Variants in TRPC6 observed in about 807,000 individuals in gnomAD.
TRPC6 encodes transient receptor potential cation channel subfamily C member 6.
A neutral mutation model predicts 90.7 loss-of-function variants in TRPC6; 55 were observed. The observed-to-expected ratio is 0.61, with a 90% CI of 0.49 to 0.76. The LOEUF (loss-of-function observed/expected upper bound fraction) is 0.76, where lower values mean the gene tolerates loss of function less well. Among genes scored for constraint, TRPC6 ranks in the 30% least tolerant of loss-of-function variants. TRPC6 has a pLI of 0.00. For synonymous variants in TRPC6, 393 were observed against 393.0 expected (o/e 1.00, Z 0.00); for missense variants, 989 against 1,122.7 (o/e 0.88, Z 1.70).
chr11:101,548,542 T>C (rs1181037378), intron 1 of TRPC6, among the ~76,000 whole-genome samples: 1 of 148,510 alleles, frequency 6.7e-6, no homozygotes, highest in Non-Finnish European at 1.5e-5. Flanking sequence ...AAGTAGCTTA[T>C]CCAAAGAGGT....
chr11:101,516,166 G>A (rs1860517339), intron 1 of TRPC6, among the ~76,000 whole-genome samples: 1 of 150,094 alleles, frequency 6.7e-6, no homozygotes, highest in South Asian at 2.1e-4. Context: ...GAAAATTTGT[G>A]GATTTCAACA....
rs76277340 is a variant in TRPC6 at position 101,476,161 on chromosome 11, A to C, written c.1744+140T>G. On this transcript the variant is annotated intron_variant, in intron 6 of 12. Coordinates refer to ENST00000344327, the MANE Select transcript of TRPC6 (RefSeq NM_004621.6). The stretch of plus-strand genomic sequence containing the variant: ...GCAGAAAGCATGCTTCCTCACATAT[A>C]GATGCTCATTCTTCAGATACAGATG... 0.011 allele frequency: 8,136 copies of C among 714,916 alleles called. 68 individuals are homozygous for C. Among genetic ancestry groups the C allele is most frequent in the Non-Finnish European group, 0.017 (6,942 of 419,700 alleles). 44.3% of individuals were successfully genotyped at this position (714,916 alleles called of 1,614,324 possible).
chr11:101,469,590 C>A, intron 9 of TRPC6, 89 bp from the exon 10 acceptor site: 1 of 656,740 alleles, frequency 1.5e-6, no homozygotes, highest in Non-Finnish European at 2.8e-6. Flanking sequence ...GTCTAATTCT[C>A]CAACAAGTTT....
chr11:101,552,707 G>T (rs1029109665), intron 1 of TRPC6, among the ~76,000 whole-genome samples: 1 of 152,000 alleles, frequency 6.6e-6, no homozygotes, highest in Non-Finnish European at 1.5e-5. Context: ...GATGATAAAT[G>T]TCTCAAACTC....
intron 1 of TRPC6, among the ~76,000 whole-genome samples, chr11:101,563,647 G>T (rs1012155018): frequency 6.6e-6 from 1 of 152,002 alleles, no homozygotes; most frequent in Non-Finnish European, 1.5e-5. Context: ...AGTATGAATG[G>T]AGTGAGGATA....
At chr11:101,543,197 C>T (rs11224832) in intron 1 of TRPC6, among the ~76,000 whole-genome samples, 15,208 of 152,076 alleles carry the variant, frequency 0.1, 878 homozygotes, top group Middle Eastern at 0.14. Flanking sequence ...TAAAGAAAGA[C>T]TGACCACATC....
intron 1 of TRPC6, among the ~76,000 whole-genome samples, chr11:101,559,540 G>T (rs1861664463): frequency 6.6e-6 from 1 of 151,970 alleles, no homozygotes; most frequent in Non-Finnish European, 1.5e-5. Context: ...AGGGAGCTAA[G>T]ATAATTTATT....
intron 1 of TRPC6, among the ~76,000 whole-genome samples, chr11:101,552,560 T>C (rs1861472728): frequency 6.6e-6 from 1 of 152,118 alleles, no homozygotes; most frequent in Non-Finnish European, 1.5e-5. Context: ...TTCAGACATC[T>C]TTCTTCTGTT....
intron 1 of TRPC6, among the ~76,000 whole-genome samples, chr11:101,526,861 C>CAAAAAAAAAAAA (rs573864895): frequency 7.5e-4 from 27 of 36,120 alleles, no homozygotes; most frequent in Non-Finnish European, 8.9e-4. Flanking sequence ...GAGACTGTCT[C>CAAAAAAAAAAAA]AAAAAAAAAA....
rs201872553 is a variant in TRPC6 at position 101,504,417 on chromosome 11, C to T, written c.552G>A (p.Pro184=). The T allele has an allele frequency of 3.1e-6, 5 of 1,613,936 alleles. No individual in the cohort carries two copies. Among genetic ancestry groups the T allele is most frequent in the Admixed American group, 3.3e-5 (2 of 59,978 alleles). ...VRIVEAILSH[P]AFAEGKRLAT... ...CTAACCTCTTGCCTTCAGCAAAAGC[C>T]GGATGACTGAGAATTGCTTCCACAA... The change falls in exon 2 of 13, where the codon CCG becomes CCA. Residue 184 remains proline (P), a synonymous_variant. Coordinates refer to ENST00000344327, the MANE Select transcript of TRPC6 (RefSeq NM_004621.6).
intron 4 of TRPC6, among the ~76,000 whole-genome samples, chr11:101,486,128 G>A (rs549760274): frequency 3.1e-4 from 47 of 152,114 alleles, no homozygotes; most frequent in African/African-American, 1.1e-3. Flanking sequence ...CAAACAAAAA[G>A]CTGGTTGCCT....
chr11:101,486,414 C>A (rs920486870), intron 4 of TRPC6, among the ~76,000 whole-genome samples: 1 of 152,026 alleles, frequency 6.6e-6, no homozygotes, highest in Non-Finnish European at 1.5e-5. Context: ...GAAATAAATA[C>A]TTGTCTTTAA....
Position 101,522,799 on chromosome 11 carries a change from A to G in TRPC6, c.171-18001T>C, listed in dbSNP as rs1485689051. ...ATGAAAGCATGCATAGAAATAACCT[A>G]TGTATCTATGTCTGCAAGGAAATGT... On this transcript the variant is annotated intron_variant, in intron 1 of 12. Coordinates refer to ENST00000344327, the MANE Select transcript of TRPC6 (RefSeq NM_004621.6). 3.3e-5 allele frequency among the ~76,000 whole-genome samples: 5 copies of G among 152,236 alleles called. No individual in the cohort carries two copies. In the South Asian group the frequency reaches 6.2e-4, roughly 19 times the overall value.
In TRPC6 at chr11:101,499,576, GTATATATACGTA is replaced by G. The variant is rs935508468; in HGVS notation, c.945+4436_945+4447del. On this transcript the variant is annotated intron_variant, in intron 2 of 12. Coordinates refer to ENST00000344327, the MANE Select transcript of TRPC6 (RefSeq NM_004621.6). The stretch of plus-strand genomic sequence containing the variant: ...AGCTACATATATATACATAAATGGT[GTATATATACGTA>G]TATATATACGTATATATGGTATATA... Among the ~76,000 whole-genome samples the G allele has an allele frequency of 6.8e-5, 6 of 88,752 alleles. 2 individuals are homozygous for G. The highest frequency in any genetic ancestry group is 1.1e-4 in the Non-Finnish European group (5 of 44,792). 58.2% of individuals were successfully genotyped at this position (88,752 alleles called of 152,430 possible). A position where few individuals can be genotyped will look rare whatever the true frequency, so the allele number is the denominator to read the frequency against.
chr11:101,548,562 T>C (rs1404320090), intron 1 of TRPC6, among the ~76,000 whole-genome samples: 3 of 147,788 alleles, frequency 2.0e-5, no homozygotes, highest in Non-Finnish European at 3.0e-5. Context: ...TGTCAAGCCA[T>C]TTAACCAAAG....
At chr11:101,542,104 C>T (rs1861186112) in intron 1 of TRPC6, among the ~76,000 whole-genome samples, 1 of 152,120 alleles carries the variant, frequency 6.6e-6, no homozygotes, top group Non-Finnish European at 1.5e-5. Context: ...ATTGAAAGAA[C>T]TGAAATTAGA....
At chr11:101,529,871 A>G (rs1860867779) in intron 1 of TRPC6, among the ~76,000 whole-genome samples, 1 of 152,226 alleles carries the variant, frequency 6.6e-6, no homozygotes, top group Non-Finnish European at 1.5e-5. Context: ...TTAATAGGGC[A>G]GGCCCACACT....
intron 1 of TRPC6, among the ~76,000 whole-genome samples, chr11:101,552,549 C>G (rs903392307): frequency 6.6e-6 from 1 of 152,056 alleles, no homozygotes; most frequent in Non-Finnish European, 1.5e-5. Context: ...AAGTTTTGCT[C>G]TTCAGACATC....
chr11:101,526,993 C>T (rs1860796524), intron 1 of TRPC6, among the ~76,000 whole-genome samples: 1 of 144,668 alleles, frequency 6.9e-6, no homozygotes, highest in East Asian at 2.1e-4. Flanking sequence ...TCACTGTATA[C>T]ATAAATGTTT....
Sources: gnomAD v4.1 joint callset for allele counts (sites outside exome capture counted in the v4.1 genomes callset) on GRCh38, gnomAD v4.1.1 for gene constraint, MANE v1.5 for transcripts, NCBI Gene and HGNC (gene_info 2026-07-23, HGNC 2026-07-21) for gene names.